IL17RD: variants seen among roughly 807,000 people sequenced by gnomAD.
IL17RD encodes interleukin 17 receptor D, also known as interleukin-17 receptor D.
Under a neutral mutation model 80.5 loss-of-function variants are expected in IL17RD, and 52 were observed. That is an observed-to-expected ratio of 0.65 (90% CI 0.52 to 0.81). IL17RD has a LOEUF of 0.81. Among genes scored for constraint, IL17RD ranks in the 40% least tolerant of loss-of-function variants. The pLI is 0.00. For missense variants in IL17RD, 1,024 were observed against 955.1 expected, an observed-to-expected ratio of 1.07 and a Z score of -0.95; for synonymous variants, 416 against 391.8, an observed-to-expected ratio of 1.06 and a Z score of -0.73.
At chr3:57,137,258 C>T (rs1381449478) in intron 1 of IL17RD, among the ~76,000 whole-genome samples, 2 of 152,174 alleles carry the variant, frequency 1.3e-5, no homozygotes, top group Non-Finnish European at 2.9e-5. Flanking sequence ...GTTAGACACC[C>T]CCAACTGGCC....
intron 1 of IL17RD, among the ~76,000 whole-genome samples, chr3:57,159,472 C>T (rs1220272193): frequency 2.0e-5 from 3 of 152,164 alleles, no homozygotes; most frequent in Non-Finnish European, 4.4e-5. Context: ...AGGCTGTGGG[C>T]CCCGGAGGAG....
At chr3:57,128,411 C>T (rs1478239897) in intron 1 of IL17RD, among the ~76,000 whole-genome samples, 1 of 152,182 alleles carries the variant, frequency 6.6e-6, no homozygotes, top group African/African-American at 2.4e-5. Flanking sequence ...CAAAGGAAAG[C>T]TGAAGGGACA....
Position 57,096,457 on chromosome 3 carries a change from G to C in IL17RD, c.2156C>G (p.Ser719Ter). Residue 719 changes from serine (S) to a stop codon, truncating the protein, a stop_gained, in exon 13 of 13, where the codon TCA (serine) becomes TGA (stop). Transcript: ENST00000296318. LOFTEE classifies it high-confidence loss of function. The stretch of plus-strand genomic sequence containing the variant: ...GCGGCAACCAAGATCTGCTTTGCAT[G>C]ACCCAGAAGAGAGGAGCTTGGAAGG... ...ALPSKLLSSGSCKADLGCRSY... is the reference protein window; with the variant it reads ...ALPSKLLSSG 6.2e-7 allele frequency: 1 copy of C among 1,613,970 alleles called. No individual in the cohort carries two copies. Among genetic ancestry groups the C allele is most frequent in the East Asian group, 2.2e-5 (1 of 44,890 alleles).
At position 57,128,569 on chromosome 3, in the gene IL17RD, G is replaced by C. The variant is rs1204509589; in HGVS notation, c.127-8256C>G. On this transcript the variant is annotated intron_variant, in intron 1 of 12. Transcript: ENST00000296318. ...TGCCCCCCGAAATCCATTCACTAAA[G>C]ATAAAGATATGTTAGGAAATCCATT... 2.0e-5 allele frequency among the ~76,000 whole-genome samples: 3 copies of C among 151,706 alleles called. No individual in the cohort carries two copies. The South Asian group carries it at 6.2e-4, about 32-fold the overall frequency.
At chr3:57,107,977 C>T (rs1240911116) in intron 5 of IL17RD, among the ~76,000 whole-genome samples, 1 of 152,116 alleles carries the variant, frequency 6.6e-6, no homozygotes, top group Non-Finnish European at 1.5e-5. Context: ...AAATGACAGG[C>T]CACCCTCCTG....
chr3:57,163,026 G>T (rs2060316346), intron 1 of IL17RD, among the ~76,000 whole-genome samples: 1 of 152,178 alleles, frequency 6.6e-6, no homozygotes, highest in South Asian at 2.1e-4. Flanking sequence ...AGCACAGAGG[G>T]CATCCATCCG....
chr3:57,104,958 T>C (rs964551534), intron 7 of IL17RD, among the ~76,000 whole-genome samples: 1 of 152,186 alleles, frequency 6.6e-6, no homozygotes, highest in African/African-American at 2.4e-5. Flanking sequence ...GTTTCCACTC[T>C]TCTGACCACT....
Position 57,096,545 on chromosome 3 carries a change from A to T in IL17RD, c.2108-40T>A, listed in dbSNP as rs369085350. 242 of 1,360,054 alleles carry T rather than the reference A, an allele frequency of 1.8e-4. 1 individual carries two copies. Among genetic ancestry groups the T allele is most frequent in the Non-Finnish European group, 2.4e-4 (225 of 948,354 alleles). The allele number at this position is 1,360,054 out of a possible 1,614,324, so 84.2% of individuals were successfully genotyped here. On this transcript the variant is annotated intron_variant, in intron 12 of 12. Transcript: ENST00000296318. ...GAGTACAGAGTCACACTGTCATTGC[A>T]TTTCACTGGGCTGGGCAGGTGCTCA...
In IL17RD at chr3:57,103,062, A is replaced by G. The variant is rs2247656; in HGVS notation, c.868+29T>C. ...CATACCTTGGTCTATAGTAGTCTAG[A>G]GCCAAATTTCAAACAAAAAAGCACC... On this transcript the variant is annotated intron_variant, in intron 9 of 12. Transcript: ENST00000296318. 1,373,275 of 1,549,616 alleles carry G rather than the reference A, an allele frequency of 0.89. 612,736 individuals are homozygous for G. Among genetic ancestry groups the G allele is most frequent in the South Asian group, 0.96 (81,764 of 85,280 alleles).
chr3:57,165,924 G>C (rs1340345560), upstream of IL17RD, among the ~76,000 whole-genome samples: 2 of 152,072 alleles, frequency 1.3e-5, no homozygotes, highest in Non-Finnish European at 2.9e-5. Flanking sequence ...TCTGGGGAGA[G>C]TTCTGTTGGT....
chr3:57,163,775 C>T (rs1392700262), intron 1 of IL17RD, among the ~76,000 whole-genome samples: 2 of 42,094 alleles, frequency 4.8e-5, no homozygotes, highest in Non-Finnish European at 1.0e-4. Flanking sequence ...AATGACAGAG[C>T]CTAATGGGGC....
intron 1 of IL17RD, 31 bp downstream of exon 1, chr3:57,165,130 G>A: frequency 6.7e-7 from 1 of 1,499,794 alleles, no homozygotes; most frequent in Non-Finnish European, 8.9e-7. Context: ...GCGAGTTGGC[G>A]ACGGCAAGAA....
rs544541725 is a variant in IL17RD at position 57,125,825 on chromosome 3, G to A, written c.127-5512C>T. ...TTGGATTGGAAAAGGAGAGGCTGAA[G>A]ACAGAGTCGAGGAGGACAGCCCTCA... On this transcript the variant is annotated intron_variant, in intron 1 of 12. Transcript: ENST00000296318. 3.3e-5 allele frequency among the ~76,000 whole-genome samples: 5 copies of A among 152,348 alleles called. No individual in the cohort carries two copies. In the East Asian group the frequency reaches 9.6e-4, roughly 29 times the overall value.
intron 1 of IL17RD, among the ~76,000 whole-genome samples, chr3:57,163,808 GT>G (rs371940559): frequency 0.014 from 1,690 of 122,926 alleles, 177 homozygotes; most frequent in African/African-American, 0.052. Context: ...GGGGAAGGGG[GT>G]GGCGGGGGCG....
At chr3:57,110,958 G>C (rs535925569) in intron 3 of IL17RD, among the ~76,000 whole-genome samples, 3 of 152,276 alleles carry the variant, frequency 2.0e-5, no homozygotes, top group Non-Finnish European at 4.4e-5. Flanking sequence ...CACCCACAGC[G>C]CCGCTGAAAG....
chr3:57,162,820 A>G (rs74461405), intron 1 of IL17RD, among the ~76,000 whole-genome samples: 21,960 of 152,240 alleles, frequency 0.14, 2,109 homozygotes, highest in South Asian at 0.34. Flanking sequence ...GTCTGAAGAC[A>G]TAGAAGTGAA....
chr3:57,120,576 T>C (rs1707315138), intron 1 of IL17RD, among the ~76,000 whole-genome samples: 1 of 152,196 alleles, frequency 6.6e-6, no homozygotes, highest in African/African-American at 2.4e-5. Flanking sequence ...CTGTTCTATG[T>C]TTAGGGGTTA....
At position 57,093,374 on chromosome 3, in the gene IL17RD, C is replaced by A. The variant is rs145126331; in HGVS notation, c.*3019G>T. 3.5e-4 allele frequency: 54 copies of A among 152,200 alleles called. 1 individual carries two copies. Among genetic ancestry groups the A allele is most frequent in the African/African-American group, 1.2e-3 (49 of 41,512 alleles). 9.4% of individuals were successfully genotyped at this position (152,200 alleles called of 1,614,324 possible). ...CCAAATTAGTGTTGAAGTTGGGGGG[C>A]CAGAGAGTTTTCTTTCTTTTGGGAG... On this transcript the variant is annotated 3_prime_UTR_variant, in exon 13 of 13. Coordinates refer to ENST00000296318, the MANE Select transcript of IL17RD (RefSeq NM_017563.5).
upstream of IL17RD, among the ~76,000 whole-genome samples, chr3:57,165,884 C>A (rs1231542487): frequency 2.0e-5 from 3 of 152,182 alleles, no homozygotes; most frequent in East Asian, 5.8e-4. Context: ...GTCCCCCTCA[C>A]CCTCCTGGAA....
Sources: gnomAD v4.1 joint callset for allele counts (sites outside exome capture counted in the v4.1 genomes callset) on GRCh38, gnomAD v4.1.1 for gene constraint, MANE v1.5 for transcripts, NCBI Gene and HGNC (gene_info 2026-07-23, HGNC 2026-07-21) for gene names.